ANO6: variants seen among roughly 807,000 people sequenced by gnomAD.
The protein encoded by ANO6 is anoctamin 6.
Under a neutral mutation model 117.5 loss-of-function variants are expected in ANO6, and 106 were observed. The ratio of observed to expected loss-of-function variants is 0.90; its 90% CI spans 0.77 to 1.06. The LOEUF is 1.06. Ranked by LOEUF, ANO6 falls within the 50% of genes least tolerant of loss-of-function variation. The probability of loss-of-function intolerance (pLI) is 0.00; values close to 1 mark genes in which losing one functional copy is unlikely to be tolerated. For missense variants in ANO6, 955 were observed against 1,121.1 expected, an observed-to-expected ratio of 0.85 and a Z score of 2.12; for synonymous variants, 367 against 385.1, an observed-to-expected ratio of 0.95 and a Z score of 0.55.
intron 1 of ANO6, among the ~76,000 whole-genome samples, chr12:45,237,990 T>C (rs1947673474): frequency 6.6e-6 from 1 of 152,140 alleles, no homozygotes; most frequent in South Asian, 2.1e-4. Flanking sequence ...GTAGCAGTTG[T>C]GAATGGGAGT....
At chr12:45,325,244 TA>T (rs1324679338) in intron 2 of ANO6, among the ~76,000 whole-genome samples, 4 of 152,322 alleles carry the variant, frequency 2.6e-5, no homozygotes, top group Admixed American at 2.6e-4. Flanking sequence ...GCTATTTCTT[TA>T]AAAGTTTAGA....
intron 16 of ANO6, among the ~76,000 whole-genome samples, chr12:45,412,488 C>T (rs964839632): frequency 5.3e-5 from 8 of 152,328 alleles, no homozygotes; most frequent in African/African-American, 1.4e-4. Flanking sequence ...AGCAGCTCCT[C>T]GTACCCCTTT....
intron 1 of ANO6, among the ~76,000 whole-genome samples, chr12:45,237,661 G>A (rs540898711): frequency 1.2e-4 from 18 of 152,286 alleles, no homozygotes; most frequent in Non-Finnish European, 2.4e-4. Context: ...GTAGCGTGAT[G>A]CCTCCAGCTT....
chr12:45,302,775 C>T (rs964524230), intron 2 of ANO6, among the ~76,000 whole-genome samples: 8 of 152,066 alleles, frequency 5.3e-5, no homozygotes, highest in African/African-American at 9.6e-5. Flanking sequence ...ATTTGGAGGG[C>T]GGGGATGGGA....
At chr12:45,341,739 G>A (rs892335753) in intron 3 of ANO6, among the ~76,000 whole-genome samples, 2 of 152,148 alleles carry the variant, frequency 1.3e-5, no homozygotes, top group African/African-American at 4.8e-5. Context: ...AGGGACGAAG[G>A]GTCATTGGGT....
intron 1 of ANO6, among the ~76,000 whole-genome samples, chr12:45,242,023 G>T (rs932642382): frequency 2.6e-5 from 4 of 152,228 alleles, no homozygotes; most frequent in African/African-American, 9.6e-5. Flanking sequence ...CTACATGGGG[G>T]TCAGTGACCC....
downstream of ANO6, among the ~76,000 whole-genome samples, chr12:45,435,930 A>C (rs1943702553): frequency 6.6e-6 from 1 of 152,216 alleles, no homozygotes; most frequent in African/African-American, 2.4e-5. Context: ...CTTATATAAA[A>C]ATAGATCACT....
rs889313022 is a variant in ANO6, at chr12:45,331,660, C to T, written c.279+237C>T. ...GGTTTCACAGCTGAAAGCAGACTTT[C>T]TTTCAAGGAATTGGACTTTCTATTG... On this transcript the variant is annotated intron_variant, in intron 3 of 19. Coordinates refer to ENST00000320560, the MANE Select transcript of ANO6 (RefSeq NM_001025356.3). Among the ~76,000 whole-genome samples the T allele has an allele frequency of 2.6e-5, 4 of 152,110 alleles. No individual in the cohort carries two copies. In the East Asian group the frequency reaches 7.7e-4, roughly 29 times the overall value.
downstream of ANO6, among the ~76,000 whole-genome samples, chr12:45,435,977 C>A (rs1943703176): frequency 6.6e-6 from 1 of 152,164 alleles, no homozygotes. Context: ...AGGAAACTAA[C>A]CCCTTTATCT....
At chr12:45,360,906 G>A (rs971751406) in intron 8 of ANO6, among the ~76,000 whole-genome samples, 13 of 152,264 alleles carry the variant, frequency 8.5e-5, no homozygotes, top group African/African-American at 3.1e-4. Flanking sequence ...TTAAGAGTTT[G>A]TTTATAGACT....
At chr12:45,427,810 G>A (rs1943539521) in intron 19 of ANO6, among the ~76,000 whole-genome samples, 1 of 151,222 alleles carries the variant, frequency 6.6e-6, no homozygotes, top group African/African-American at 2.4e-5. Flanking sequence ...CATGGTGGCA[G>A]GTACCTGTAA....
At chr12:45,275,083 T>G (rs1938511360) in intron 1 of ANO6, among the ~76,000 whole-genome samples, 1 of 152,068 alleles carries the variant, frequency 6.6e-6, no homozygotes, top group Non-Finnish European at 1.5e-5. Flanking sequence ...GTTGTATGAC[T>G]GAAGGAGTTA....
chr12:45,390,305 A>G (rs933192766), intron 11 of ANO6, 116 bp from the exon 12 acceptor site: 13 of 886,378 alleles, frequency 1.5e-5, no homozygotes, highest in Admixed American at 1.4e-4. Flanking sequence ...TAAGGAGACT[A>G]TGCTTGCAAA....
In ANO6 at chr12:45,388,292, GA is replaced by G; in HGVS notation, c.1298del (p.Glu433GlyfsTer20). On this transcript the variant is annotated frameshift_variant, in exon 11 of 20. Coordinates refer to ENST00000320560, the MANE Select transcript of ANO6 (RefSeq NM_001025356.3). LOFTEE classifies it high-confidence loss of function. ...EARCTHVVIN[E>X]ITQEEERIPF... is the part of the protein sequence containing the mutation. ...ACGATGTACTCACGTAGTGATAAAT[GA>G]GATTACTCAGGTAAGCAGGGTCGTA... 6.2e-7 allele frequency: 1 copy of G among 1,614,034 alleles called. No individual in the cohort carries two copies. The highest frequency in any genetic ancestry group is 8.5e-7 in the Non-Finnish European group (1 of 1,179,916).
chr12:45,407,282 C>A (rs1453934921), intron 15 of ANO6, among the ~76,000 whole-genome samples: 5 of 152,176 alleles, frequency 3.3e-5, no homozygotes, highest in Non-Finnish European at 7.3e-5. Flanking sequence ...CATCCTGAAT[C>A]TGAGCTTTGA....
At chr12:45,261,844 A>G (rs1938045989) in intron 1 of ANO6, among the ~76,000 whole-genome samples, 1 of 152,228 alleles carries the variant, frequency 6.6e-6, no homozygotes, top group Admixed American at 6.5e-5. Flanking sequence ...TCTGAAAGGC[A>G]TACTTTCTGG....
At chr12:45,283,066 T>C (rs2137259287) in intron 1 of ANO6, among the ~76,000 whole-genome samples, 1 of 152,324 alleles carries the variant, frequency 6.6e-6, no homozygotes, top group East Asian at 1.9e-4. Context: ...TGTCTGGATA[T>C]TTTAGTTTTA....
At chr12:45,243,325 GTAATT>G (rs1947774447) in intron 1 of ANO6, among the ~76,000 whole-genome samples, 1 of 151,958 alleles carries the variant, frequency 6.6e-6, no homozygotes, top group African/African-American at 2.4e-5. Flanking sequence ...TCTTAAAAAA[GTAATT>G]GTAATAAGTT....
chr12:45,385,781 T>A (rs1001850443), intron 10 of ANO6, among the ~76,000 whole-genome samples: 51 of 152,294 alleles, frequency 3.3e-4, no homozygotes, highest in African/African-American at 1.2e-3. Context: ...TATAAAACAC[T>A]CAACAATTTG....
Sources: gnomAD v4.1 joint callset for allele counts (sites outside exome capture counted in the v4.1 genomes callset) on GRCh38, gnomAD v4.1.1 for gene constraint, MANE v1.5 for transcripts, NCBI Gene and HGNC (gene_info 2026-07-23, HGNC 2026-07-21) for gene names.